PRMT8: variants seen among roughly 807,000 people sequenced by gnomAD.
The protein encoded by PRMT8 is protein arginine N-methyltransferase 8.
A neutral mutation model predicts 47.1 loss-of-function variants in PRMT8; 7 were observed. The ratio of observed to expected loss-of-function variants is 0.15; its 90% confidence interval spans 0.08 to 0.28. The LOEUF is 0.28. PRMT8 is among the 10% of genes least tolerant of loss of function. The pLI, the probability that PRMT8 is intolerant of heterozygous loss-of-function variation, is 1.00. For missense variants in PRMT8, 237 were observed against 505.4 expected (o/e 0.47, Z 5.09); for synonymous variants, 188 against 186.5 (o/e 1.01, Z -0.07).
chr12:3,489,264 C>T (rs1321726573), upstream of PRMT8, among the ~76,000 whole-genome samples: 2 of 152,104 alleles, frequency 1.3e-5, no homozygotes, highest in Non-Finnish European at 2.9e-5. Context: ...AACATAATCA[C>T]GCACAGGCAG....
At chr12:3,578,019 G>A (rs937841224) in intron 7 of PRMT8, among the ~76,000 whole-genome samples, 21 of 152,112 alleles carry the variant, frequency 1.4e-4, no homozygotes, top group Middle Eastern at 3.2e-3. Flanking sequence ...GTATGCATTT[G>A]CATTATATAT....
chr12:3,525,515 AG>A (rs1160678543), intron 1 of PRMT8, among the ~76,000 whole-genome samples: 10 of 152,208 alleles, frequency 6.6e-5, no homozygotes, highest in Non-Finnish European at 1.5e-4. Context: ...TGCCTTTTCT[AG>A]GCTTCAGGAC....
Position 3,464,142 on chromosome 12 carries a change from G to A in PRMT8, c.49-76464G>A, listed in dbSNP as rs566956608. On this transcript the variant is annotated intron_variant, in intron 1 of 9. Transcript: ENST00000452611. Reference sequence around the variant, plus strand: ...GTGAACGGCACGTTATTTTTATTAAGGAACACAAAGCAAACATTAGCAGTG... The same window carrying A: ...GTGAACGGCACGTTATTTTTATTAAAGAACACAAAGCAAACATTAGCAGTG... Among the ~76,000 whole-genome samples the A allele has an allele frequency of 6.3e-4, 96 of 152,106 alleles. 1 individual carries two copies. Among genetic ancestry groups the A allele is most frequent in the African/African-American group, 2.3e-3 (96 of 41,488 alleles).
chr12:3,498,431 G>A (rs1865540916), intron 1 of PRMT8, among the ~76,000 whole-genome samples: 1 of 152,198 alleles, frequency 6.6e-6, no homozygotes, highest in African/African-American at 2.4e-5. Flanking sequence ...CACCAGCCCA[G>A]CTTTCCTTTT....
In PRMT8 at chr12:3,508,473, T is replaced by G. The variant is rs193245850; in HGVS notation, c.75+16773T>G. Among the ~76,000 whole-genome samples, 72 of 152,316 alleles carry G rather than the reference T, an allele frequency of 4.7e-4. No individual in the cohort carries two copies. Among genetic ancestry groups the G allele is most frequent in the African/African-American group, 1.7e-3 (70 of 41,568 alleles). On this transcript the variant is annotated intron_variant, in intron 1 of 9. Coordinates refer to ENST00000382622, the MANE Select transcript of PRMT8 (RefSeq NM_019854.5). The surrounding 1 kb of genome is among the most constrained non-coding windows in gnomAD (Gnocchi z 4.9). ...ACATCTGAACGCGGGAGAGTGTGTT[T>G]CCTGTGAGAAACATGTTAAGGTGAG...
At chr12:3,426,929 A>G (rs527944297) in intron 1 of PRMT8, among the ~76,000 whole-genome samples, 45 of 152,142 alleles carry the variant, frequency 3.0e-4, no homozygotes, top group African/African-American at 1.1e-3. Context: ...CCCTTTGATG[A>G]GAACGTGATC....
intron 1 of PRMT8, among the ~76,000 whole-genome samples, chr12:3,437,404 A>T (rs1287363676): frequency 6.6e-6 from 1 of 151,452 alleles, no homozygotes; most frequent in African/African-American, 2.4e-5. Flanking sequence ...GTACATGTGC[A>T]GGTTTGTTAT....
At chr12:3,473,201 A>G (rs1033371392) in intron 1 of PRMT8, among the ~76,000 whole-genome samples, 14 of 151,872 alleles carry the variant, frequency 9.2e-5, no homozygotes, top group African/African-American at 3.1e-4. Context: ...ATCCCTCACA[A>G]TCTGACTTTC....
chr12:3,542,291 AG>A, intron 2 of PRMT8, among the ~76,000 whole-genome samples: 1 of 152,292 alleles, frequency 6.6e-6, no homozygotes, highest in African/African-American at 2.4e-5. Context: ...TCGGTCCAGA[AG>A]GTCCTGGCCC....
At chr12:3,412,614 T>C (rs11835003) in intron 1 of PRMT8, among the ~76,000 whole-genome samples, 2,066 of 152,260 alleles carry the variant, frequency 0.014, 53 homozygotes, top group African/African-American at 0.046. Context: ...ATTTAAAAAT[T>C]CTCTCTCTTT....
chr12:3,464,528 C>G (rs1019397534), intron 1 of PRMT8, among the ~76,000 whole-genome samples: 9 of 151,950 alleles, frequency 5.9e-5, no homozygotes, highest in Non-Finnish European at 2.9e-5. Flanking sequence ...TGTAATTTTT[C>G]CAAGTACACA....
chr12:3,558,011 C>T (rs879280383), intron 4 of PRMT8, among the ~76,000 whole-genome samples: 1 of 152,158 alleles, frequency 6.6e-6, no homozygotes, highest in Non-Finnish European at 1.5e-5. Flanking sequence ...CCAGCCCACC[C>T]CCAGTAAATG....
At chr12:3,384,312 T>G (rs896374615) in intron 1 of PRMT8, among the ~76,000 whole-genome samples, 1 of 152,164 alleles carries the variant, frequency 6.6e-6, no homozygotes. Context: ...TTGGATTTTG[T>G]CAAATGTTTT....
At chr12:3,438,156 C>T (rs6489465) in intron 1 of PRMT8, among the ~76,000 whole-genome samples, 129,735 of 152,162 alleles carry the variant, frequency 0.85, 55,795 homozygotes, top group Non-Finnish European at 0.91. Flanking sequence ...TGCCAGCGCA[C>T]CTGTGAGGCA....
At chr12:3,424,947 G>A (rs1454537076) in intron 1 of PRMT8, among the ~76,000 whole-genome samples, 1 of 152,152 alleles carries the variant, frequency 6.6e-6, no homozygotes, top group Non-Finnish European at 1.5e-5. Context: ...GGTGTGACTG[G>A]AGCAGGGCTC....
upstream of PRMT8, among the ~76,000 whole-genome samples, chr12:3,486,797 A>T (rs1020439097): frequency 1.3e-5 from 2 of 152,234 alleles, no homozygotes; most frequent in African/African-American, 2.4e-5. Context: ...TGCCTCCCAG[A>T]TATTGTTAAA....
intron 1 of PRMT8, among the ~76,000 whole-genome samples, chr12:3,475,934 C>T (rs7964262): frequency 0.77 from 117,654 of 152,164 alleles, 45,734 homozygotes; most frequent in Middle Eastern, 0.86. Flanking sequence ...TGTTTATAGA[C>T]ACCTTTTCCA....
intron 1 of PRMT8, among the ~76,000 whole-genome samples, chr12:3,511,255 C>A (rs183197569): frequency 4.6e-5 from 7 of 152,316 alleles, no homozygotes; most frequent in Non-Finnish European, 8.8e-5. Context: ...CCCTTCCAGA[C>A]ATGCCCATGG....
chr12:3,509,833 G>A (rs766781969), intron 1 of PRMT8, among the ~76,000 whole-genome samples: 3 of 152,200 alleles, frequency 2.0e-5, no homozygotes, highest in Non-Finnish European at 2.9e-5. Context: ...GCAAAGTCAG[G>A]CAAAGTCAGA....
Sources: allele counts gnomAD v4.1 joint callset (sites outside exome capture counted in the v4.1 genomes callset), GRCh38; gene constraint gnomAD v4.1.1; non-coding constraint Gnocchi (gnomAD v3.1); transcripts MANE v1.5; gene names NCBI Gene and HGNC (gene_info 2026-07-23, HGNC 2026-07-21).